The following RRP1B variants were observed in gnomAD, a reference collection of about 807,000 sequenced individuals.
RRP1B encodes the protein ribosomal RNA processing 1B, also known as ribosomal RNA processing protein 1 homolog B.
A neutral mutation model predicts 80.2 loss-of-function variants in RRP1B; 56 were observed. The ratio of observed to expected loss-of-function variants is 0.70; its 90% CI spans 0.56 to 0.87. The LOEUF is 0.87. Ranked by LOEUF, RRP1B falls within the 40% of genes least tolerant of loss-of-function variation. The probability of loss-of-function intolerance (pLI) is 0.00; values close to 1 mark genes in which losing one functional copy is unlikely to be tolerated. For synonymous variants in RRP1B, 351 were observed against 357.6 expected, an observed-to-expected ratio of 0.98 and a Z score of 0.21; for missense variants, 807 against 939.8, an observed-to-expected ratio of 0.86 and a Z score of 1.85.
intron 7 of RRP1B, 114 bp downstream of exon 7, chr21:43,676,450 G>T: frequency 1.2e-6 from 1 of 825,716 alleles, no homozygotes; most frequent in Non-Finnish European, 2.0e-6. Context: ...AGCAGAGAGC[G>T]GCTGGAGAAG....
chr21:43,676,255 C>A lies in RRP1B; in HGVS notation c.550-17C>A, dbSNP rs747216589. 1.3e-5 allele frequency: 21 copies of A among 1,591,424 alleles called. No individual in the cohort carries two copies. Among genetic ancestry groups the A allele is most frequent in the Non-Finnish European group, 1.8e-5 (21 of 1,165,232 alleles). ...GGAAAGGCTCTTTCTCAATTTTTCC[C>A]TTTTTCTAAATTACAGCTTTTAGCA... On this transcript the variant is annotated splice_polypyrimidine_tract_variant and intron_variant, in intron 6 of 15. Transcript: ENST00000340648.
intron 2 of RRP1B, 67 bp downstream of exon 2, chr21:43,670,033 C>A: frequency 8.7e-7 from 1 of 1,150,192 alleles, no homozygotes; most frequent in Non-Finnish European, 1.3e-6. Flanking sequence ...CTTGATCACT[C>A]ATGCTGTGCC....
intron 1 of RRP1B, among the ~76,000 whole-genome samples, chr21:43,667,720 T>C (rs1385798089): frequency 6.6e-6 from 1 of 152,196 alleles, no homozygotes; most frequent in Non-Finnish European, 1.5e-5. Flanking sequence ...GGCTCAGCTC[T>C]AGTGGGGTTT....
chr21:43,676,778 C>A lies in RRP1B; in HGVS notation c.660C>A (p.Ile220=), dbSNP rs184571247. The change falls in exon 8 of 16, where the codon ATC becomes ATA. Residue 220 remains isoleucine, a synonymous_variant. Coordinates refer to ENST00000340648, the MANE Select transcript of RRP1B (RefSeq NM_015056.3). ...QTIARGVFEA[I]VDQSPFVPEE... is the part of the protein sequence containing the mutation. ...TAGCTCGGGGTGTCTTCGAAGCTAT[C>A]GTAGATCAGTCTCCTTTTGTGCCTG... 5 of 1,614,228 alleles carry A rather than the reference C, an allele frequency of 3.1e-6. No homozygotes were observed. The highest frequency in any genetic ancestry group is 3.4e-6 in the Non-Finnish European group (4 of 1,180,032).
chr21:43,684,709 G>T, intron 10 of RRP1B, 59 bp downstream of exon 10: 1 of 1,385,738 alleles, frequency 7.2e-7, no homozygotes, highest in Non-Finnish European at 1.0e-6. Flanking sequence ...ATCTCCTGGT[G>T]TGGGACAAGC....
At chr21:43,670,404 G>A (rs2082994974) in intron 2 of RRP1B, among the ~76,000 whole-genome samples, 1 of 152,268 alleles carries the variant, frequency 6.6e-6, no homozygotes, top group Non-Finnish European at 1.5e-5. Flanking sequence ...AAGCCTCCCT[G>A]TTAAAGCCGA....
At chr21:43,672,494 T>C in intron 3 of RRP1B, 129 bp downstream of exon 3, 3 of 782,864 alleles carry the variant, frequency 3.8e-6, no homozygotes, top group Non-Finnish European at 4.3e-6. Flanking sequence ...GTGATAAACT[T>C]AGTCATTGAC....
rs571329621 is a variant in RRP1B at position 43,684,197 on chromosome 21, G to A, written c.892-356G>A. On this transcript the variant is annotated intron_variant, in intron 9 of 15. Coordinates refer to ENST00000340648, the MANE Select transcript of RRP1B (RefSeq NM_015056.3). Reference sequence around the variant, plus strand: ...CGCCATTCTCCTGCCTCAGCCTCCCGAGTAGCTGGGACTACAGGCGCCCGC... The same window carrying A: ...CGCCATTCTCCTGCCTCAGCCTCCCAAGTAGCTGGGACTACAGGCGCCCGC... Among the ~76,000 whole-genome samples the A allele has an allele frequency of 2.2e-3, 331 of 150,062 alleles. 1 individual carries two copies. The highest frequency in any genetic ancestry group is 3.5e-3 in the Non-Finnish European group (235 of 67,626).
rs368983408 is a variant in RRP1B at position 43,680,982 on chromosome 21, A to G, written c.797-2297A>G. ...AAGCCGGTTGCAGTGGCTCATGCCT[A>G]TAATCCCAGCACTCTGGGAAGCCCA... On this transcript the variant is annotated intron_variant, in intron 8 of 15. Transcript: ENST00000340648. 4.3e-4 allele frequency among the ~76,000 whole-genome samples: 66 copies of G among 152,304 alleles called. 2 individuals are homozygous for G. In the South Asian group the frequency reaches 0.014, roughly 32 times the overall value.
Position 43,693,075 on chromosome 21 carries a change from C to T in RRP1B, c.2084-115C>T. On this transcript the variant is annotated intron_variant, in intron 15 of 15. Coordinates refer to ENST00000340648, the MANE Select transcript of RRP1B (RefSeq NM_015056.3). This position sits in a 1 kb window ranked among gnomAD's most constrained non-coding sequence, Gnocchi z 4.1. ...CTCTCTGCAGGGCCTTGAGATGGCCCTGCTTCGTCCTAGCAAGTGGGTGGG... is the reference window on the plus strand; with the variant it reads ...CTCTCTGCAGGGCCTTGAGATGGCCTTGCTTCGTCCTAGCAAGTGGGTGGG... The T allele has an allele frequency of 9.4e-7, 1 of 1,066,604 alleles. No individual in the cohort carries two copies. The allele number at this position is 1,066,604 out of a possible 1,614,324, so 66.1% of individuals were successfully genotyped here. A position where few individuals can be genotyped will look rare whatever the true frequency, so the allele number is the denominator to read the frequency against.
chr21:43,674,585 C>CTTT, intron 4 of RRP1B, 51 bp from the exon 5 acceptor site: 5 of 572,680 alleles, frequency 8.7e-6, no homozygotes, highest in Non-Finnish European at 1.0e-5. Flanking sequence ...TCTTACCTTT[C>CTTT]CTTTTTTTTT....
At chr21:43,671,690 GGTT>G (rs763056074) in intron 2 of RRP1B, among the ~76,000 whole-genome samples, 21 of 150,420 alleles carry the variant, frequency 1.4e-4, no homozygotes, top group Non-Finnish European at 2.1e-4. Context: ...GGGGTTTTTT[GGTT>G]GTTGTTGTTG....
intron 8 of RRP1B, among the ~76,000 whole-genome samples, chr21:43,680,595 C>T (rs1421475762): frequency 1.3e-5 from 2 of 151,976 alleles, no homozygotes; most frequent in East Asian, 3.9e-4. Flanking sequence ...GTGTCTTGCT[C>T]TGTTGCCCAG....
intron 3 of RRP1B, among the ~76,000 whole-genome samples, chr21:43,673,473 A>C (rs911612296): frequency 6.6e-6 from 1 of 152,088 alleles, no homozygotes; most frequent in African/African-American, 2.4e-5. Flanking sequence ...GTCTTTACTA[A>C]AAATACAAAT....
intron 2 of RRP1B, 32 bp from the exon 3 acceptor site, chr21:43,672,276 C>T: frequency 2.5e-6 from 4 of 1,609,170 alleles, no homozygotes; most frequent in African/African-American, 2.7e-5. Flanking sequence ...CCACGATAAC[C>T]CCCATGTTTC....
At position 43,684,610 on chromosome 21, in the gene RRP1B, C is replaced by G. The variant is rs764690599; in HGVS notation, c.949C>G (p.Pro317Ala). Residue 317 changes from proline to alanine, a missense_variant, in exon 10 of 16, where the codon CCC becomes GCC. Transcript: ENST00000340648. ...LLEMTSRKNT[P>A]HFNRKRLSKL... ...GGAAATGACCAGCAGGAAGAACACG[C>G]CCCACTTCAACAGGAAGCGCCTCTC... The G allele has an allele frequency of 6.2e-7, 1 of 1,614,162 alleles. No homozygotes were observed. Among genetic ancestry groups the G allele is most frequent in the Non-Finnish European group, 8.5e-7 (1 of 1,180,020 alleles).
At chr21:43,689,733 C>T (rs1359640033) in intron 13 of RRP1B, among the ~76,000 whole-genome samples, 1 of 152,262 alleles carries the variant, frequency 6.6e-6, no homozygotes, top group East Asian at 1.9e-4. Context: ...TCGGGCTTCC[C>T]TGCCCTCCAG....
At position 43,687,634 on chromosome 21, in the gene RRP1B, C is replaced by G. The variant is rs757522878; in HGVS notation, c.1260C>G (p.Ala420=). The G allele has an allele frequency of 9.0e-6, 14 of 1,559,856 alleles. 1 individual carries two copies. The highest frequency in any genetic ancestry group is 2.6e-6 in the Non-Finnish European group (3 of 1,154,124). The change falls in exon 13 of 16, where the codon GCC becomes GCG. Residue 420 remains alanine (A), a synonymous_variant. Transcript: ENST00000340648. ...AAAATCCAGGCCCAGGGGGTGCAGCCCCATCCCTGGAACAGAACCGGGGCA... is the reference window on the plus strand; with the variant it reads ...AAAATCCAGGCCCAGGGGGTGCAGCGCCATCCCTGGAACAGAACCGGGGCA... ...QPENPGPGGA[A]PSLEQNRGRE... is the part of the protein sequence containing the mutation.
chr21:43,680,496 G>A (rs923995797), intron 8 of RRP1B, among the ~76,000 whole-genome samples: 9 of 152,146 alleles, frequency 5.9e-5, no homozygotes, highest in East Asian at 3.9e-4. Context: ...CCTGGGAGGC[G>A]GAGGTTGCAG....
Sources: allele counts gnomAD v4.1 joint callset (sites outside exome capture counted in the v4.1 genomes callset), GRCh38; gene constraint gnomAD v4.1.1; non-coding constraint Gnocchi (gnomAD v3.1); transcripts MANE v1.5; gene names NCBI Gene and HGNC (gene_info 2026-07-23, HGNC 2026-07-21).